RPTOR: variants seen among roughly 807,000 people sequenced by gnomAD.
RPTOR encodes the protein regulatory associated protein of MTOR complex 1.
In RPTOR, 21 loss-of-function variants were observed where a neutral mutation model predicts 169.9. That is an observed-to-expected ratio of 0.12 (90% confidence interval 0.09 to 0.18). The LOEUF (loss-of-function observed/expected upper bound fraction) is 0.18, where lower values mean the gene tolerates loss of function less well. Among genes scored for constraint, RPTOR ranks in the 10% least tolerant of loss-of-function variants. The probability of loss-of-function intolerance (pLI) is 1.00; values close to 1 mark genes in which losing one functional copy is unlikely to be tolerated. For synonymous variants in RPTOR, 732 were observed against 753.2 expected (o/e 0.97, Z 0.46); for missense variants, 1,133 against 1,855.9 (o/e 0.61, Z 7.16).
intron 24 of RPTOR, among the ~76,000 whole-genome samples, chr17:80,931,468 A>G (rs147268757): frequency 4.0e-4 from 61 of 152,296 alleles, no homozygotes; most frequent in Admixed American, 1.5e-3. Context: ...TGCACAGGCC[A>G]TGGACGTCCA....
At chr17:80,784,624 C>T (rs927978763) in intron 6 of RPTOR, among the ~76,000 whole-genome samples, 1 of 151,620 alleles carries the variant, frequency 6.6e-6, no homozygotes, top group African/African-American at 2.4e-5. Flanking sequence ...AACTCCTGAC[C>T]TCAGGTGATC....
intron 24 of RPTOR, among the ~76,000 whole-genome samples, chr17:80,926,985 C>T (rs2068818512): frequency 1.3e-5 from 2 of 152,248 alleles, no homozygotes; most frequent in Non-Finnish European, 2.9e-5. Context: ...ACCTGCTGGG[C>T]TCACCGCTGC....
intron 1 of RPTOR, among the ~76,000 whole-genome samples, chr17:80,577,074 C>T (rs2064970461): frequency 6.6e-6 from 1 of 151,480 alleles, no homozygotes; most frequent in South Asian, 2.1e-4. Flanking sequence ...TCTTTTTGCC[C>T]AGGCTGGAGT....
intron 2 of RPTOR, among the ~76,000 whole-genome samples, chr17:80,626,813 T>A (rs963950866): frequency 8.7e-5 from 10 of 114,960 alleles, no homozygotes; most frequent in Non-Finnish European, 1.3e-4. Flanking sequence ...TATTATTATT[T>A]TTCATTCTAG....
chr17:80,910,817 G>A (rs2068603250), intron 21 of RPTOR, among the ~76,000 whole-genome samples: 3 of 150,796 alleles, frequency 2.0e-5, no homozygotes, highest in African/African-American at 7.3e-5. Flanking sequence ...TCACCTTACC[G>A]TCTGCAGTTG....
intron 3 of RPTOR, among the ~76,000 whole-genome samples, chr17:80,654,928 A>G (rs993386374): frequency 1.3e-5 from 2 of 152,236 alleles, no homozygotes; most frequent in African/African-American, 2.4e-5. Context: ...CTCAGAAAAG[A>G]TAGTAAAGAA....
At chr17:80,756,793 A>C (rs1233399630) in intron 6 of RPTOR, among the ~76,000 whole-genome samples, 1 of 152,216 alleles carries the variant, frequency 6.6e-6, no homozygotes, top group Non-Finnish European at 1.5e-5. Flanking sequence ...ACGGATCAAA[A>C]TATCACATGG....
intron 1 of RPTOR, among the ~76,000 whole-genome samples, chr17:80,615,250 G>A (rs1020632628): frequency 1.3e-5 from 2 of 152,086 alleles, no homozygotes; most frequent in Non-Finnish European, 2.9e-5. Flanking sequence ...ACCTGCCACC[G>A]CCTCCTGAAG....
At chr17:80,840,936 T>A (rs1415438492) in intron 10 of RPTOR, among the ~76,000 whole-genome samples, 5 of 75,532 alleles carry the variant, frequency 6.6e-5, no homozygotes, top group South Asian at 5.2e-4. Flanking sequence ...GGCAGCTCAC[T>A]CTCTCTGCAC....
intron 24 of RPTOR, among the ~76,000 whole-genome samples, chr17:80,926,318 G>T (rs7502001): frequency 0.89 from 135,017 of 152,248 alleles, 60,090 homozygotes; most frequent in African/African-American, 0.95. Context: ...CTTGAACTAC[G>T]GAGCCCCTTT....
At chr17:80,847,614 G>T (rs958513911) in intron 11 of RPTOR, among the ~76,000 whole-genome samples, 1 of 152,206 alleles carries the variant, frequency 6.6e-6, no homozygotes. Flanking sequence ...AGCAGGCCCC[G>T]CCCTTTTTGG....
chr17:80,860,821 C>T lies in RPTOR; in HGVS notation c.1509+2921C>T, dbSNP rs148699909. 6.6e-6 allele frequency among the ~76,000 whole-genome samples: 1 copy of T among 152,140 alleles called. No individual in the cohort carries two copies. Among genetic ancestry groups the T allele is most frequent in the African/African-American group, 2.4e-5 (1 of 41,524 alleles). ...TGGGATCTCTCACTCTTTTTCTGGG[C>T]CTGGGGCACTGACCATGGCTCTGCT... On this transcript the variant is annotated intron_variant, in intron 13 of 33. Transcript: ENST00000306801. This position sits in a 1 kb window ranked among gnomAD's most constrained non-coding sequence, Gnocchi z 5.8.
At chr17:80,858,651 A>G (rs2067882875) in intron 13 of RPTOR, among the ~76,000 whole-genome samples, 1 of 152,056 alleles carries the variant, frequency 6.6e-6, no homozygotes. Context: ...GGGGCTGAGA[A>G]GTCGTGTGGG....
chr17:80,865,153 A>G (rs2067972476), intron 13 of RPTOR, among the ~76,000 whole-genome samples: 2 of 152,254 alleles, frequency 1.3e-5, no homozygotes, highest in Non-Finnish European at 2.9e-5. Flanking sequence ...TAAACCCTAA[A>G]GCTGCCACTC....
At chr17:80,895,602 C>T (rs998428963) in intron 20 of RPTOR, among the ~76,000 whole-genome samples, 2 of 152,240 alleles carry the variant, frequency 1.3e-5, no homozygotes, top group Non-Finnish European at 2.9e-5. Context: ...TGTTCTTCAG[C>T]GTGGATACAC....
chr17:80,761,444 G>T (rs577285596), intron 6 of RPTOR, among the ~76,000 whole-genome samples: 2 of 152,286 alleles, frequency 1.3e-5, no homozygotes, highest in East Asian at 3.9e-4. Flanking sequence ...TTGTCAGCGT[G>T]GAAAGTTTCG....
chr17:80,790,341 A>T (rs2067034667), intron 6 of RPTOR, among the ~76,000 whole-genome samples: 1 of 152,190 alleles, frequency 6.6e-6, no homozygotes, highest in African/African-American at 2.4e-5. Context: ...GCCAGGTATC[A>T]CTTCTTGAGA....
chr17:80,766,797 A>C (rs1490640973), intron 6 of RPTOR, among the ~76,000 whole-genome samples: 8 of 151,900 alleles, frequency 5.3e-5, no homozygotes, highest in Non-Finnish European at 1.5e-5. Context: ...TAATTAAAAA[A>C]CTCTCAAATG....
At chr17:80,821,568 C>A (rs1392574808) in intron 7 of RPTOR, among the ~76,000 whole-genome samples, 3 of 152,294 alleles carry the variant, frequency 2.0e-5, no homozygotes, top group Middle Eastern at 3.4e-3. Context: ...TGGCAGCAGC[C>A]TCATCCCCCC....
Sources: allele counts gnomAD v4.1 joint callset (sites outside exome capture counted in the v4.1 genomes callset), GRCh38; gene constraint gnomAD v4.1.1; non-coding constraint Gnocchi (gnomAD v3.1); transcripts MANE v1.5; gene names NCBI Gene and HGNC (gene_info 2026-07-23, HGNC 2026-07-21).